Variants in SLC5A12 observed in about 807,000 individuals in gnomAD.
The protein encoded by SLC5A12 is sodium-coupled monocarboxylate transporter 2.
SLC5A12 carries 46 observed loss-of-function variants against 72.7 expected under a neutral mutation model. That is an observed-to-expected ratio of 0.63 (90% CI 0.50 to 0.81). The LOEUF is 0.81. SLC5A12 is among the 30% of genes least tolerant of loss of function. The probability of loss-of-function intolerance (pLI) is 0.00; values close to 1 mark genes in which losing one functional copy is unlikely to be tolerated. For synonymous variants in SLC5A12, 275 were observed against 264.4 expected, an observed-to-expected ratio of 1.04 and a Z score of -0.39; for missense variants, 683 against 740.7, an observed-to-expected ratio of 0.92 and a Z score of 0.90.
chr11:26,721,329 A>T (rs753355927), intron 1 of SLC5A12, 47 bp downstream of exon 1: 5 of 1,433,872 alleles, frequency 3.5e-6, no homozygotes, highest in Non-Finnish European at 4.8e-6. Context: ...GCTATCATCA[A>T]GAGGATGAGA....
At chr11:26,711,444 C>A in intron 2 of SLC5A12, 86 bp from the exon 3 acceptor site, 4 of 963,828 alleles carry the variant, frequency 4.2e-6, no homozygotes, top group Non-Finnish European at 4.9e-6. Context: ...CGACGTTAGA[C>A]TTGTATTCTC....
chr11:26,669,408 A>G lies in SLC5A12; in HGVS notation c.*1694T>C, dbSNP rs116546264. 1 of 151,854 alleles carries G rather than the reference A, an allele frequency of 6.6e-6. No homozygotes were observed. Among genetic ancestry groups the G allele is most frequent in the African/African-American group, 2.4e-5 (1 of 41,378 alleles). The allele number at this position is 151,854 out of a possible 1,614,324, so 9.4% of individuals were successfully genotyped here. A position where few individuals can be genotyped will look rare whatever the true frequency, so the allele number is the denominator to read the frequency against. On this transcript the variant is annotated 3_prime_UTR_variant, in exon 15 of 15. Coordinates refer to ENST00000396005, the MANE Select transcript of SLC5A12 (RefSeq NM_178498.4). The stretch of plus-strand genomic sequence containing the variant: ...GATCAACAGCTTAATTAGCGTTGCC[A>G]GACTTTAAAAAATGTTTCCAAAAAT...
chr11:26,680,408 T>TAC (rs151250614), intron 12 of SLC5A12, among the ~76,000 whole-genome samples: 8,910 of 79,218 alleles, frequency 0.11, 1,894 homozygotes, highest in Admixed American at 0.18. Flanking sequence ...TATATATATA[T>TAC]ATTTCCTCAT....
At position 26,667,807 on chromosome 11, in the gene SLC5A12, C is replaced by T. The variant is rs1854034505; in HGVS notation, c.*3295G>A. ...CTACTCTTTGGAAATTTAGGCATGA[C>T]TTTTAATGTATACATTCTGTTTTTC... On this transcript the variant is annotated 3_prime_UTR_variant, in exon 15 of 15. Coordinates refer to ENST00000396005, the MANE Select transcript of SLC5A12 (RefSeq NM_178498.4). 2.6e-5 allele frequency: 4 copies of T among 151,906 alleles called. 1 individual carries two copies. In the South Asian group the frequency reaches 8.3e-4, roughly 32 times the overall value. The allele number at this position is 151,906 out of a possible 1,614,324, so 9.4% of individuals were successfully genotyped here.
At chr11:26,690,434 A>G (rs1281141067) in intron 9 of SLC5A12, among the ~76,000 whole-genome samples, 2 of 151,868 alleles carry the variant, frequency 1.3e-5, no homozygotes, top group Non-Finnish European at 2.9e-5. Flanking sequence ...AAACCTTTAT[A>G]TTATATATTT....
chr11:26,681,152 G>A lies in SLC5A12; in HGVS notation c.1378C>T (p.Pro460Ser), dbSNP rs201720578. Residue 460 changes from proline (P) to serine (S), a missense_variant, in exon 12 of 15, where the codon CCT (proline) becomes TCT (serine). By Grantham distance (74) the Pro-to-Ser change is moderately conservative. Transcript: ENST00000396005. ...FWVAIGAFIY[P>S]APASKTWPLP... The stretch of plus-strand genomic sequence containing the variant: ...GGCCATGTCTTAGAGGCTGGTGCAG[G>A]GTAAATGAAGGCCCCAATGGCCACC... 1 of 1,611,624 alleles carries A rather than the reference G, an allele frequency of 6.2e-7. No individual in the cohort carries two copies. The highest frequency in any genetic ancestry group is 8.5e-7 in the Non-Finnish European group (1 of 1,178,924).
chr11:26,687,678 A>G (rs907973824), intron 9 of SLC5A12, among the ~76,000 whole-genome samples: 3 of 152,218 alleles, frequency 2.0e-5, no homozygotes, highest in Non-Finnish European at 4.4e-5. Flanking sequence ...ATTACATGAT[A>G]TTCCTTATGA....
chr11:26,706,035 T>C (rs2133201412), intron 4 of SLC5A12, among the ~76,000 whole-genome samples: 1 of 151,900 alleles, frequency 6.6e-6, no homozygotes, highest in East Asian at 1.9e-4. Flanking sequence ...TTAATCAAAC[T>C]GCCTTGTTTG....
intron 9 of SLC5A12, among the ~76,000 whole-genome samples, chr11:26,690,180 T>G (rs1231164693): frequency 6.6e-6 from 1 of 152,122 alleles, no homozygotes; most frequent in Non-Finnish European, 1.5e-5. Context: ...TGGTGGTGGG[T>G]TCAGATAGGT....
intron 8 of SLC5A12, among the ~76,000 whole-genome samples, chr11:26,694,540 G>A (rs1427966178): frequency 6.6e-6 from 1 of 152,102 alleles, no homozygotes; most frequent in Non-Finnish European, 1.5e-5. Context: ...TGAGATCCTA[G>A]TGCCAACACC....
rs1462085998 is a variant in SLC5A12 at position 26,681,057 on chromosome 11, G to C, written c.1473C>G (p.Ser491Arg). 1 of 1,593,716 alleles carries C rather than the reference G, an allele frequency of 6.3e-7. No homozygotes were observed. Among genetic ancestry groups the C allele is most frequent in the Non-Finnish European group, 8.5e-7 (1 of 1,170,370 alleles). ...CACCATCTATAAAGTCAGCATACCT[G>C]CTGGATAGTACTGGAGGCCCTGTTG... ...VTATGPPVLS[S>R]RPGIADTWYS... is the part of the protein sequence containing the mutation. Residue 491 changes from serine (S) to arginine (R), a missense_variant and splice_region_variant, in exon 12 of 15, where the codon AGC (serine) becomes AGG (arginine). By Grantham distance (110) the Ser-to-Arg change is moderately radical. Coordinates refer to ENST00000396005, the MANE Select transcript of SLC5A12 (RefSeq NM_178498.4).
intron 10 of SLC5A12, among the ~76,000 whole-genome samples, chr11:26,684,515 G>A (rs562648708): frequency 6.6e-6 from 1 of 152,228 alleles, no homozygotes; most frequent in East Asian, 1.9e-4. Context: ...AAAGTCACTA[G>A]CCATCATGCC....
intron 4 of SLC5A12, 186 bp downstream of exon 4, chr11:26,709,126 G>T: frequency 2.2e-6 from 1 of 448,008 alleles, no homozygotes; most frequent in Non-Finnish European, 4.0e-6. Context: ...TCTCCTAAAG[G>T]TTGGTAATGA....
chr11:26,667,329 C>T lies in SLC5A12; in HGVS notation c.*3773G>A, dbSNP rs914271701. The T allele has an allele frequency of 6.6e-5, 10 of 151,858 alleles. No homozygotes were observed. Among genetic ancestry groups the T allele is most frequent in the Admixed American group, 6.6e-4 (10 of 15,220 alleles). 9.4% of individuals were successfully genotyped at this position (151,858 alleles called of 1,614,324 possible). A position where few individuals can be genotyped will look rare whatever the true frequency, so the allele number is the denominator to read the frequency against. ...CTCCTCTATTTTTTCCGTATCTGAT[C>T]TTTGTAATAATGTTTGATTAAGACT... On this transcript the variant is annotated 3_prime_UTR_variant, in exon 15 of 15. Transcript: ENST00000396005.
chr11:26,693,997 C>A (rs973329826), intron 8 of SLC5A12, among the ~76,000 whole-genome samples: 1 of 152,134 alleles, frequency 6.6e-6, no homozygotes, highest in Non-Finnish European at 1.5e-5. Flanking sequence ...TCTCAATATA[C>A]TTCTTGTGAA....
At chr11:26,709,258 C>T in intron 4 of SLC5A12, 54 bp downstream of exon 4, 1 of 1,347,250 alleles carries the variant, frequency 7.4e-7, no homozygotes, top group East Asian at 2.3e-5. Flanking sequence ...GAGATTTGCC[C>T]TTATCCCATA....
At chr11:26,671,364 G>T in intron 14 of SLC5A12, 113 bp from the exon 15 acceptor site, 6 of 787,928 alleles carry the variant, frequency 7.6e-6, no homozygotes, top group African/African-American at 1.8e-5. Flanking sequence ...ATGTACAAAA[G>T]AAGCATAAAC....
At chr11:26,710,025 C>G (rs73438427) in intron 3 of SLC5A12, among the ~76,000 whole-genome samples, 15,204 of 152,038 alleles carry the variant, frequency 0.1, 1,343 homozygotes, top group African/African-American at 0.24. Context: ...TAGCCCCCTA[C>G]CCACCCACAG....
intron 13 of SLC5A12, among the ~76,000 whole-genome samples, chr11:26,677,561 G>GAAGA (rs1854294441): frequency 1.3e-5 from 2 of 152,094 alleles, no homozygotes; most frequent in Non-Finnish European, 2.9e-5. Context: ...GGGTACTAAG[G>GAAGA]CAAAATCTAA....
Sources: gnomAD v4.1 joint callset for allele counts (sites outside exome capture counted in the v4.1 genomes callset) on GRCh38, gnomAD v4.1.1 for gene constraint, MANE v1.5 for transcripts, NCBI Gene and HGNC (gene_info 2026-07-23, HGNC 2026-07-21) for gene names.